The following ZMYND11 variants were observed in gnomAD, a reference collection of about 807,000 sequenced individuals.
ZMYND11 encodes the protein zinc finger MYND-type containing 11.
ZMYND11 carries 9 observed loss-of-function variants against 84.9 expected under a neutral mutation model. The ratio of observed to expected loss-of-function variants is 0.11; its 90% CI spans 0.06 to 0.18. ZMYND11 has a LOEUF of 0.18. ZMYND11 is among the 10% of genes least tolerant of loss of function. The pLI is 1.00. For synonymous variants in ZMYND11, 250 were observed against 244.1 expected (o/e 1.02, Z -0.23); for missense variants, 409 against 761.0 (o/e 0.54, Z 5.44).
intron 1 of ZMYND11, among the ~76,000 whole-genome samples, chr10:175,526 A>G (rs1399358590): frequency 1.3e-5 from 2 of 152,134 alleles, no homozygotes; most frequent in African/African-American, 4.8e-5. Context: ...CCGAAATCAC[A>G]CCATTGCACT....
At position 252,449 on chromosome 10, in the gene ZMYND11, C is replaced by T; in HGVS notation, c.1788C>T (p.Arg596=). Residue 596 remains arginine (R), a synonymous_variant, in exon 15 of 15, where the codon CGC becomes CGT. Coordinates refer to ENST00000381604, the MANE Select transcript of ZMYND11 (RefSeq NM_001370100.5). This position sits in a 1 kb window ranked among gnomAD's most constrained non-coding sequence, Gnocchi z 4.6. ...QQEHWHAEHK[R]TCRRKR ...AGCACTGGCACGCGGAGCACAAGCG[C>T]ACCTGCCGCCGGAAAAGATGAAGCT... 2 of 1,612,522 alleles carry T rather than the reference C, an allele frequency of 1.2e-6. No individual in the cohort carries two copies. The highest frequency in any genetic ancestry group is 8.5e-7 in the Non-Finnish European group (1 of 1,179,964).
intron 4 of ZMYND11, among the ~76,000 whole-genome samples, chr10:222,115 T>C (rs940352301): frequency 2.0e-5 from 3 of 152,208 alleles, no homozygotes; most frequent in Non-Finnish European, 2.9e-5. Flanking sequence ...AAAATACTTA[T>C]TTGGAACCAT....
chr10:148,452 C>T (rs1201284207), intron 1 of ZMYND11: 1 of 152,296 alleles, frequency 6.6e-6, no homozygotes, highest in African/African-American at 2.4e-5. Flanking sequence ...ACTTCCTTTG[C>T]TCAGGGAAGA....
chr10:226,095 C>G (rs1948070378), intron 4 of ZMYND11, among the ~76,000 whole-genome samples: 2 of 152,120 alleles, frequency 1.3e-5, no homozygotes, highest in African/African-American at 2.4e-5. Context: ...CTATACCACT[C>G]CAAGAAAGCA....
chr10:242,130 A>G lies in ZMYND11; in HGVS notation c.941A>G (p.His314Arg). Residue 314 changes from histidine to arginine, a missense_variant, in exon 10 of 15, where the codon CAC becomes CGC. His to Arg is a conservative substitution (Grantham distance 29, BLOSUM62 0). This residue lies in a region of ZMYND11 where 59 missense variants were observed against 151.0 expected (regional missense o/e 0.39). Transcript: ENST00000381604. ...NQVDVRFFGH[H>R]HQRAWIPSEN... ...GTCGACGTTCGCTTCTTTGGCCACC[A>G]CCACCAGAGGTAATTTGTGATCCCA... The G allele has an allele frequency of 1.2e-6, 2 of 1,614,104 alleles. No individual in the cohort carries two copies. The highest frequency in any genetic ancestry group is 1.7e-6 in the Non-Finnish European group (2 of 1,179,986).
chr10:151,217 A>G (rs902161030), intron 1 of ZMYND11, among the ~76,000 whole-genome samples: 1 of 152,222 alleles, frequency 6.6e-6, no homozygotes, highest in Non-Finnish European at 1.5e-5. Flanking sequence ...CTGGATGGGA[A>G]TGACTTTCAC....
At chr10:154,377 G>A (rs1554758039) in intron 1 of ZMYND11, among the ~76,000 whole-genome samples, 8 of 152,148 alleles carry the variant, frequency 5.3e-5, no homozygotes, top group Non-Finnish European at 1.2e-4. Context: ...ACACTTGGGG[G>A]CCACCATAAA....
intron 3 of ZMYND11, among the ~76,000 whole-genome samples, chr10:219,227 A>G (rs891252559): frequency 8.5e-5 from 13 of 152,196 alleles, no homozygotes; most frequent in African/African-American, 3.1e-4. Flanking sequence ...GGTAAAGGTA[A>G]TGTGGAGAGG....
chr10:236,741 G>A, intron 4 of ZMYND11, 97 bp from the exon 5 acceptor site: 1 of 1,023,520 alleles, frequency 9.8e-7, no homozygotes. Flanking sequence ...TAAACTCTTT[G>A]CATACTATCT....
intron 7 of ZMYND11, 31 bp from the exon 8 acceptor site, chr10:240,025 G>T: frequency 6.3e-7 from 1 of 1,588,016 alleles, no homozygotes. Context: ...GCAGACTATT[G>T]CTTATAGGTA....
upstream of ZMYND11, among the ~76,000 whole-genome samples, chr10:134,280 C>T (rs965095058): frequency 6.6e-6 from 1 of 152,038 alleles, no homozygotes; most frequent in Admixed American, 6.5e-5. Flanking sequence ...CTGTCCTGTA[C>T]TCACCGAATT....
At chr10:184,690 G>T (rs1272931386) in intron 2 of ZMYND11, among the ~76,000 whole-genome samples, 2 of 152,094 alleles carry the variant, frequency 1.3e-5, no homozygotes, top group African/African-American at 2.4e-5. Flanking sequence ...GACCATCAGG[G>T]TGTCATTCTG....
At chr10:131,654 A>G (rs1165352321), upstream of ZMYND11, among the ~76,000 whole-genome samples, 3 of 151,868 alleles carry the variant, frequency 2.0e-5, no homozygotes, top group Non-Finnish European at 4.4e-5. Flanking sequence ...CTTCTCGAGT[A>G]GCTGCGACTA....
intron 4 of ZMYND11, among the ~76,000 whole-genome samples, chr10:225,003 G>GA (rs1191922820): frequency 1.3e-5 from 2 of 151,662 alleles, no homozygotes; most frequent in Non-Finnish European, 2.9e-5. Context: ...AATTTTCCAG[G>GA]AAAAAAATAA....
chr10:134,605 G>C (rs1268620948), upstream of ZMYND11: 1 of 152,230 alleles, frequency 6.6e-6, no homozygotes, highest in Non-Finnish European at 1.5e-5. Flanking sequence ...GTAAAGGGCT[G>C]TTCAGACTAC....
At chr10:166,556 G>T (rs1017426132) in intron 1 of ZMYND11, among the ~76,000 whole-genome samples, 5 of 152,016 alleles carry the variant, frequency 3.3e-5, no homozygotes, top group African/African-American at 1.2e-4. Flanking sequence ...TACTTAGATG[G>T]CTATGATTTT....
At chr10:159,526 C>T (rs1842521091) in intron 1 of ZMYND11, among the ~76,000 whole-genome samples, 1 of 151,934 alleles carries the variant, frequency 6.6e-6, no homozygotes, top group Non-Finnish European at 1.5e-5. Flanking sequence ...ATTTATAGGC[C>T]TTTTGCATTA....
intron 2 of ZMYND11, among the ~76,000 whole-genome samples, chr10:199,317 C>G (rs1463467318): frequency 2.1e-5 from 3 of 145,270 alleles, no homozygotes; most frequent in Non-Finnish European, 3.0e-5. Context: ...CTTCCTCCCT[C>G]CCTCCCTCCC....
chr10:160,647 A>G (rs545416422), intron 1 of ZMYND11, among the ~76,000 whole-genome samples: 1 of 152,200 alleles, frequency 6.6e-6, no homozygotes, highest in Non-Finnish European at 1.5e-5. Context: ...AGTTTATGGA[A>G]TATTCTGAAA....
Sources: gnomAD v4.1 joint callset for allele counts (sites outside exome capture counted in the v4.1 genomes callset) on GRCh38, gnomAD v4.1.1 for gene constraint, gnomAD v4.1.1 regional missense constraint, Gnocchi (gnomAD v3.1) non-coding constraint, MANE v1.5 for transcripts, NCBI Gene and HGNC (gene_info 2026-07-23, HGNC 2026-07-21) for gene names.